Variants in DCHS1 observed in about 807,000 individuals in gnomAD.
DCHS1 encodes dachsous cadherin-related 1.
A neutral mutation model predicts 213.9 loss-of-function variants in DCHS1; 78 were observed. That is an observed-to-expected ratio of 0.36 (90% CI 0.30 to 0.44). The LOEUF (loss-of-function observed/expected upper bound fraction) is 0.44, where lower values mean the gene tolerates loss of function less well. Ranked by LOEUF, DCHS1 falls within the 20% of genes least tolerant of loss-of-function variation. The pLI is 1.00. For synonymous variants in DCHS1, 1,828 were observed against 1,873.7 expected (o/e 0.98, Z 0.63); for missense variants, 3,946 against 4,395.9 (o/e 0.90, Z 2.89).
At chr11:6,636,376 G>GT (rs1855986230) in intron 2 of DCHS1, among the ~76,000 whole-genome samples, 1 of 151,710 alleles carries the variant, frequency 6.6e-6, no homozygotes. Flanking sequence ...TGCCTGGCTA[G>GT]TTTTTTTATT....
chr11:6,633,160 G>A (rs1855938809), intron 5 of DCHS1, 104 bp from the exon 6 acceptor site: 1 of 1,382,372 alleles, frequency 7.2e-7, no homozygotes, highest in African/African-American at 1.4e-5. Context: ...CCACACCCAT[G>A]CCTTTCAAAA....
rs1855682831 is a variant in DCHS1, at chr11:6,621,426, G to A, written c.*353C>T. On this transcript the variant is annotated 3_prime_UTR_variant, in exon 21 of 21. Transcript: ENST00000299441. ...GTGTCAGTGGAACCCAAAGGAGCTG[G>A]GTCCAAACATGTTGGAGGGACCTCC... The A allele has an allele frequency of 2.5e-6, 1 of 395,768 alleles. No homozygotes were observed. Among genetic ancestry groups the A allele is most frequent in the African/African-American group, 2.1e-5 (1 of 48,662 alleles). 24.5% of individuals were successfully genotyped at this position (395,768 alleles called of 1,614,324 possible).
chr11:6,624,612 G>A (rs1855763575), intron 20 of DCHS1, 118 bp downstream of exon 20: 1 of 1,456,332 alleles, frequency 6.9e-7, no homozygotes, highest in African/African-American at 1.4e-5. Context: ...GGGAGGAAAT[G>A]TCCTCCCTAG....
chr11:6,648,818 T>A (rs530682822), intron 1 of DCHS1, among the ~76,000 whole-genome samples: 1 of 152,204 alleles, frequency 6.6e-6, no homozygotes, highest in South Asian at 2.1e-4. Context: ...GTTAGAGTAG[T>A]GTCTGGCACA....
At chr11:6,644,659 T>C (rs1239087386) in intron 1 of DCHS1, among the ~76,000 whole-genome samples, 9 of 152,216 alleles carry the variant, frequency 5.9e-5, no homozygotes, top group Non-Finnish European at 1.2e-4. Context: ...TTCTCCAGCA[T>C]TTAGTAGAGT....
rs139567297 is a variant in DCHS1 at position 6,646,087 on chromosome 11, G to A, written c.-120-4354C>T. Among the ~76,000 whole-genome samples the A allele has an allele frequency of 1.3e-3, 193 of 151,790 alleles. 1 individual carries two copies. Among genetic ancestry groups the A allele is most frequent in the African/African-American group, 4.4e-3 (181 of 41,358 alleles). ...CTTTCTCATGGCCCTCACACCAAGA[G>A]GCATGTTCACACCCTCTGATATGCC... On this transcript the variant is annotated intron_variant, in intron 1 of 20. Transcript: ENST00000299441.
intron 1 of DCHS1, among the ~76,000 whole-genome samples, chr11:6,653,169 C>T (rs1856268756): frequency 6.6e-6 from 1 of 152,194 alleles, no homozygotes; most frequent in African/African-American, 2.4e-5. Flanking sequence ...CCTCTCTCGT[C>T]ACCTCATGCT....
chr11:6,640,912 G>A lies in DCHS1; in HGVS notation c.702C>T (p.Pro234=), dbSNP rs1044542203. The A allele has an allele frequency of 6.2e-7, 1 of 1,614,020 alleles. No homozygotes were observed. Among genetic ancestry groups the A allele is most frequent in the South Asian group, 1.1e-5 (1 of 91,088 alleles). The change falls in exon 2 of 21, where the codon CCC becomes CCT. Residue 234 remains proline, a synonymous_variant. Transcript: ENST00000299441. This position sits in a 1 kb window ranked among gnomAD's most constrained non-coding sequence, Gnocchi z 6.5. ...QLEAYDGGSP[P]RRAQALLDVT... ...CGTCCAGCAGGGCCTGGGCCCTCCG[G>A]GGGGGTGAACCACCATCATAGGCCT...
intron 7 of DCHS1, 62 bp downstream of exon 7, chr11:6,631,554 C>T (rs1453302744): frequency 1.3e-6 from 2 of 1,552,156 alleles, no homozygotes; most frequent in African/African-American, 1.4e-5. Flanking sequence ...ACCTACAGCT[C>T]TATGGGGAGA....
Position 6,626,859 on chromosome 11 carries a change from C to T in DCHS1, c.6180G>A (p.Gly2060=), listed in dbSNP as rs145160213. The T allele has an allele frequency of 1.3e-4, 216 of 1,613,364 alleles. 1 individual carries two copies. The highest frequency in any genetic ancestry group is 1.5e-4 in the Non-Finnish European group (177 of 1,179,880). ...ATGVIIVGLQ[G]EAERGPRFPR... The stretch of plus-strand genomic sequence containing the variant: ...GAAAGCGGGGTCCACGCTCAGCTTC[C>T]CCCTGCAGTCCAACAATGATCACAC... The change falls in exon 14 of 21, where the codon GGG becomes GGA. Residue 2060 remains glycine (G), a synonymous_variant. Coordinates refer to ENST00000299441, the MANE Select transcript of DCHS1 (RefSeq NM_003737.4). This position sits in a 1 kb window ranked among gnomAD's most constrained non-coding sequence, Gnocchi z 5.2.
intron 7 of DCHS1, 34 bp from the exon 8 acceptor site, chr11:6,631,441 T>A (rs1589956577): frequency 1.2e-6 from 2 of 1,613,114 alleles, no homozygotes; most frequent in Middle Eastern, 3.3e-4. Context: ...TGAGTCTCTT[T>A]CCTGTTCTTC....
In DCHS1 at chr11:6,627,357, C is replaced by G; in HGVS notation, c.5682G>C (p.Leu1894=). ...GGAAGGCTCCTGCTGTACCGGCGCC[C>G]AGGTAGTAGGTCACATGGCCATTAG... ...AGANGHVTYY[L]GAGTAGAFLL... is the part of the protein sequence containing the mutation. Residue 1894 remains leucine, a synonymous_variant, in exon 14 of 21, where the codon CTG becomes CTC. Coordinates refer to ENST00000299441, the MANE Select transcript of DCHS1 (RefSeq NM_003737.4). This position sits in a 1 kb window ranked among gnomAD's most constrained non-coding sequence, Gnocchi z 5.4. 5.0e-6 allele frequency: 8 copies of G among 1,607,984 alleles called. No individual in the cohort carries two copies. The highest frequency in any genetic ancestry group is 6.8e-6 in the Non-Finnish European group (8 of 1,177,294).
In DCHS1 at chr11:6,627,237, A is replaced by G; in HGVS notation, c.5802T>C (p.Gly1934=). 6.2e-7 allele frequency: 1 copy of G among 1,612,210 alleles called. No individual in the cohort carries two copies. Among genetic ancestry groups the G allele is most frequent in the East Asian group, 2.2e-5 (1 of 44,840 alleles). Residue 1934 remains glycine (G), a synonymous_variant, in exon 14 of 21, where the codon GGT becomes GGC. Coordinates refer to ENST00000299441, the MANE Select transcript of DCHS1 (RefSeq NM_003737.4). This position sits in a 1 kb window ranked among gnomAD's most constrained non-coding sequence, Gnocchi z 5.4. ...TGGTGCTTAGGGGCCCAGCAGCTGC[A>G]CCATCCACTGCACTCACAGAAAAGG... The part of the protein sequence containing the change: ...SYTFSVSAVD[G]AAAGPLSTTV...
rs142359121 is a variant in DCHS1 at position 6,626,927 on chromosome 11, T to C, written c.6112A>G (p.Ile2038Val). The change falls in exon 14 of 21, where the codon ATT becomes GTT. Residue 2038 changes from isoleucine (I) to valine (V), a missense_variant. Coordinates refer to ENST00000299441, the MANE Select transcript of DCHS1 (RefSeq NM_003737.4). The surrounding 1 kb of genome is among the most constrained non-coding windows in gnomAD (Gnocchi z 5.2). ...ALGPRDRVLF[I>V]VATDLGRPAR... is the part of the protein sequence containing the mutation. ...GGACGGCCAAGATCAGTGGCCACAATGAAGAGGACACGATCTCGGGGGCCT... is the reference window on the plus strand; with the variant it reads ...GGACGGCCAAGATCAGTGGCCACAACGAAGAGGACACGATCTCGGGGGCCT... The C allele has an allele frequency of 1.9e-6, 3 of 1,613,328 alleles. No homozygotes were observed. The highest frequency in any genetic ancestry group is 1.3e-5 in the African/African-American group (1 of 74,898).
Position 6,633,777 on chromosome 11 carries a change from G to A in DCHS1, c.2218+12C>T, listed in dbSNP as rs761828375. ...ACCTGGGGGAAGGCCCCGGGAATGG[G>A]AGGATCCTCACCTGATTGCTCATCC... On this transcript the variant is annotated intron_variant, in intron 4 of 20. Transcript: ENST00000299441. The A allele has an allele frequency of 7.4e-6, 12 of 1,610,810 alleles. No individual in the cohort carries two copies. In the South Asian group the frequency reaches 1.1e-4, roughly 15 times the overall value.
chr11:6,622,115 C>T lies in DCHS1; in HGVS notation c.9561G>A (p.Lys3187=), dbSNP rs145246077. 6.2e-6 allele frequency: 10 copies of T among 1,613,262 alleles called. No individual in the cohort carries two copies. In the African/African-American group the frequency reaches 1.1e-4, roughly 17 times the overall value. Residue 3187 remains lysine (K), a synonymous_variant, in exon 21 of 21, where the codon AAG becomes AAA. Transcript: ENST00000299441. The surrounding 1 kb of genome is among the most constrained non-coding windows in gnomAD (Gnocchi z 5.4). The part of the protein sequence containing the change: ...ASVFTEIARL[K]DEARPCPPAP... ...CTGGGGGACATGGCCGAGCTTCATC[C>T]TTGAGCCGAGCGATCTCTGTGAAGA...
At position 6,632,663 on chromosome 11, in the gene DCHS1, A is replaced by G; in HGVS notation, c.2849T>C (p.Val950Ala). Residue 950 changes from valine (V) to alanine (A), a missense_variant, in exon 6 of 21, where the codon GTA (valine) becomes GCA (alanine). Val to Ala is a moderately conservative substitution (Grantham distance 64). This residue lies in a region of DCHS1 where 3,384 missense variants were observed against 3,780.1 expected (regional missense o/e 0.90). Transcript: ENST00000299441. This position sits in a 1 kb window ranked among gnomAD's most constrained non-coding sequence, Gnocchi z 5.9. Reference sequence around the variant, plus strand: ...GGGCCCCAGAGGCCTCATAAGCCGTACATGGCCTGTGGTGGGGTCCACGGT... The same window carrying G: ...GGGCCCCAGAGGCCTCATAAGCCGTGCATGGCCTGTGGTGGGGTCCACGGT... Reference protein sequence around the residue: ...AFTVDPTTGHVRLMRPLGPSG... With the variant: ...AFTVDPTTGHARLMRPLGPSG... 6.4e-7 allele frequency: 1 copy of G among 1,573,102 alleles called. No individual in the cohort carries two copies. The highest frequency in any genetic ancestry group is 1.7e-4 in the Middle Eastern group (1 of 5,964).
chr11:6,624,358 A>G lies in DCHS1; in HGVS notation c.7318T>C (p.Leu2440=), dbSNP rs1482136129. The G allele has an allele frequency of 1.3e-6, 2 of 1,574,786 alleles. No homozygotes were observed. Among genetic ancestry groups the G allele is most frequent in the African/African-American group, 2.7e-5 (2 of 74,080 alleles). Residue 2440 remains leucine (L), a synonymous_variant, in exon 21 of 21, where the codon TTG becomes CTG. Coordinates refer to ENST00000299441, the MANE Select transcript of DCHS1 (RefSeq NM_003737.4). The part of the protein sequence containing the change: ...TLFTIVGTVA[L]GHDGSGAVDV... The stretch of plus-strand genomic sequence containing the variant: ...ACTGCTCCTGACCCGTCATGGCCCA[A>G]GGCCACTGTTCCCACTATTGTGAAC...
chr11:6,630,221 G>A lies in DCHS1; in HGVS notation c.4573C>T (p.Arg1525Cys), dbSNP rs1855878092. 4 of 1,561,726 alleles carry A rather than the reference G, an allele frequency of 2.6e-6. No individual in the cohort carries two copies. Among genetic ancestry groups the A allele is most frequent in the Non-Finnish European group, 3.5e-6 (4 of 1,155,992 alleles). ...ATDRPANASR[R>C]RAARVSARVF... Reference sequence around the variant, plus strand: ...CGCGCTGAAACGCGCGCTGCACGACGGCGGCTGGCGTTGGCGGGCCGGTCG... The same window carrying A: ...CGCGCTGAAACGCGCGCTGCACGACAGCGGCTGGCGTTGGCGGGCCGGTCG... The change falls in exon 10 of 21, where the codon CGT (arginine) becomes TGT (cysteine). Residue 1525 changes from arginine to cysteine, a missense_variant. Physicochemically the swap from Arg to Cys is radical, Grantham distance 180 (BLOSUM62 -3). This residue lies in a region of DCHS1 where 3,384 missense variants were observed against 3,780.1 expected (regional missense o/e 0.90). Coordinates refer to ENST00000299441, the MANE Select transcript of DCHS1 (RefSeq NM_003737.4).
Sources: allele counts gnomAD v4.1 joint callset (sites outside exome capture counted in the v4.1 genomes callset), GRCh38; gene constraint gnomAD v4.1.1; regional missense constraint gnomAD v4.1.1; non-coding constraint Gnocchi (gnomAD v3.1); transcripts MANE v1.5; gene names NCBI Gene and HGNC (gene_info 2026-07-23, HGNC 2026-07-21).